The following PARP11 variants were observed in gnomAD, a reference collection of about 807,000 sequenced individuals.
PARP11 encodes poly(ADP-ribose) polymerase family member 11.
In PARP11, 31 loss-of-function variants were observed where a neutral mutation model predicts 42.9. That is an observed-to-expected ratio of 0.72 (90% CI 0.54 to 0.98). The LOEUF is 0.98. Among genes scored for constraint, PARP11 ranks in the 50% least tolerant of loss-of-function variants. The pLI is 0.00. For synonymous variants in PARP11, 137 were observed against 127.3 expected, an observed-to-expected ratio of 1.08 and a Z score of -0.51; for missense variants, 365 against 413.1, an observed-to-expected ratio of 0.88 and a Z score of 1.01.
intron 1 of PARP11, among the ~76,000 whole-genome samples, chr12:3,858,654 C>T (rs1948235865): frequency 6.6e-6 from 1 of 152,182 alleles, no homozygotes; most frequent in Non-Finnish European, 1.5e-5. Flanking sequence ...GGAGACAAAG[C>T]TTGCCACTGT....
chr12:3,864,208 A>T (rs1948351323), intron 1 of PARP11, among the ~76,000 whole-genome samples: 1 of 152,158 alleles, frequency 6.6e-6, no homozygotes, highest in Non-Finnish European at 1.5e-5. Context: ...ATAGTTTTTC[A>T]TTTTAGTTTG....
intron 4 of PARP11, among the ~76,000 whole-genome samples, chr12:3,825,763 G>A (rs190017445): frequency 6.6e-5 from 10 of 151,966 alleles, no homozygotes; most frequent in South Asian, 2.1e-4. Flanking sequence ...TCACTCTGTC[G>A]CCCAGGTTGG....
At position 3,808,982 on chromosome 12, in the gene PARP11, A is replaced by G. The variant is rs1029362354; in HGVS notation, c.*3141T>C. 6.6e-6 allele frequency: 1 copy of G among 152,020 alleles called. No individual in the cohort carries two copies. The highest frequency in any genetic ancestry group is 2.4e-5 in the African/African-American group (1 of 41,352). 9.4% of individuals were successfully genotyped at this position (152,020 alleles called of 1,614,324 possible). A position where few individuals can be genotyped will look rare whatever the true frequency, so the allele number is the denominator to read the frequency against. ...TCTAGAAATGAAATGACACACTAAT[A>G]TAAAACTTTCCTGTTTATAACTAAA... On this transcript the variant is annotated 3_prime_UTR_variant, in exon 8 of 8. Coordinates refer to ENST00000228820, the MANE Select transcript of PARP11 (RefSeq NM_020367.6).
intron 1 of PARP11, among the ~76,000 whole-genome samples, chr12:3,837,916 C>G (rs918653972): frequency 6.6e-6 from 1 of 151,552 alleles, no homozygotes; most frequent in African/African-American, 2.4e-5. Flanking sequence ...TTATAAATAT[C>G]TATGCACTCA....
chr12:3,820,226 G>A (rs1011189395), intron 6 of PARP11, among the ~76,000 whole-genome samples: 4 of 152,184 alleles, frequency 2.6e-5, no homozygotes, highest in Non-Finnish European at 4.4e-5. Flanking sequence ...AGAAGAAGTG[G>A]GGAAAGTAAG....
chr12:3,859,604 G>C (rs1948262494), intron 1 of PARP11, among the ~76,000 whole-genome samples: 1 of 149,692 alleles, frequency 6.7e-6, no homozygotes, highest in Non-Finnish European at 1.5e-5. Context: ...AATATAACAT[G>C]CAATTAAATA....
chr12:3,821,012 G>T (rs566892077), intron 6 of PARP11, among the ~76,000 whole-genome samples: 1 of 152,156 alleles, frequency 6.6e-6, no homozygotes, highest in East Asian at 1.9e-4. Context: ...TTATGGTCTG[G>T]GATTTGCTTA....
At chr12:3,827,527 A>G (rs1247031942) in intron 3 of PARP11, among the ~76,000 whole-genome samples, 2 of 152,108 alleles carry the variant, frequency 1.3e-5, no homozygotes, top group Non-Finnish European at 2.9e-5. Flanking sequence ...AAAAATGCCT[A>G]CCAGATACCT....
chr12:3,852,028 G>A (rs940762890), intron 1 of PARP11, among the ~76,000 whole-genome samples: 1 of 152,184 alleles, frequency 6.6e-6, no homozygotes, highest in Non-Finnish European at 1.5e-5. Context: ...TCCAACAGAC[G>A]TGCAGCAGAG....
intron 1 of PARP11, among the ~76,000 whole-genome samples, chr12:3,866,714 AC>A (rs1354588974): frequency 6.6e-6 from 1 of 152,198 alleles, no homozygotes; most frequent in Admixed American, 6.5e-5. Context: ...CAAAGAAGAA[AC>A]CAAGAGAAAA....
rs1465630351 is a variant in PARP11 at position 3,839,770 on chromosome 12, T to A, written c.19-9752A>T. Reference sequence around the variant, plus strand: ...TTATGATATTGTGTATCCCGTAAAGTATAAAGAAAGCTCTGCTATGTGTCA... The same window carrying A: ...TTATGATATTGTGTATCCCGTAAAGAATAAAGAAAGCTCTGCTATGTGTCA... On this transcript the variant is annotated intron_variant, in intron 1 of 7. Coordinates refer to ENST00000228820, the MANE Select transcript of PARP11 (RefSeq NM_020367.6). The A allele has an allele frequency of 1.2e-5, 14 of 1,133,232 alleles. 1 individual carries two copies. In the African/African-American group the frequency reaches 1.4e-4, roughly 11 times the overall value. 70.2% of individuals were successfully genotyped at this position (1,133,232 alleles called of 1,614,324 possible). A position where few individuals can be genotyped will look rare whatever the true frequency, so the allele number is the denominator to read the frequency against.
intron 4 of PARP11, among the ~76,000 whole-genome samples, chr12:3,823,197 T>C (rs984905656): frequency 1.2e-4 from 19 of 152,180 alleles, no homozygotes; most frequent in African/African-American, 4.3e-4. Flanking sequence ...ATCAAATAGG[T>C]GATTTAAAAA....
intron 1 of PARP11, among the ~76,000 whole-genome samples, chr12:3,856,229 C>G (rs140068882): frequency 1.3e-5 from 2 of 152,164 alleles, no homozygotes; most frequent in Non-Finnish European, 2.9e-5. Context: ...GACTTCATGA[C>G]TAAAACACCA....
At chr12:3,837,105 G>C (rs993407798) in intron 1 of PARP11, among the ~76,000 whole-genome samples, 1 of 152,164 alleles carries the variant, frequency 6.6e-6, no homozygotes, top group Non-Finnish European at 1.5e-5. Flanking sequence ...AATCAAAGGA[G>C]ACGACACCAA....
intron 3 of PARP11, among the ~76,000 whole-genome samples, chr12:3,828,320 G>A (rs751989001): frequency 2.6e-5 from 4 of 152,004 alleles, no homozygotes; most frequent in East Asian, 1.9e-4. Flanking sequence ...AGGTGGAGGC[G>A]GGTGGATCAG....
rs1948285687 is a variant in PARP11, at chr12:3,861,111, A to G, written c.18+12101T>C. Among the ~76,000 whole-genome samples, 1 of 152,230 alleles carries G rather than the reference A, an allele frequency of 6.6e-6. No homozygotes were observed. Among genetic ancestry groups the G allele is most frequent in the African/African-American group, 2.4e-5 (1 of 41,458 alleles). On this transcript the variant is annotated intron_variant, in intron 1 of 7. Coordinates refer to ENST00000228820, the MANE Select transcript of PARP11 (RefSeq NM_020367.6). This position sits in a 1 kb window ranked among gnomAD's most constrained non-coding sequence, Gnocchi z 4.6. ...ATATTTAGATGAGATGTTGGACTTT[A>G]AAGTTGATGCTGGTATCAGTTAAGA...
At chr12:3,839,632 C>T (rs1947846578) in intron 1 of PARP11, 1 of 1,020,000 alleles carries the variant, frequency 9.8e-7, no homozygotes, top group Non-Finnish European at 1.6e-6. Flanking sequence ...TGCCCTTTCT[C>T]TTATGTACAG....
At chr12:3,834,447 A>G (rs1317387272) in intron 1 of PARP11, among the ~76,000 whole-genome samples, 1 of 152,078 alleles carries the variant, frequency 6.6e-6, no homozygotes, top group East Asian at 1.9e-4. Context: ...AGCCTGGCCA[A>G]CATGGTGAAA....
At chr12:3,857,059 A>G (rs1020994390) in intron 1 of PARP11, among the ~76,000 whole-genome samples, 1 of 151,624 alleles carries the variant, frequency 6.6e-6, no homozygotes, top group Non-Finnish European at 1.5e-5. Flanking sequence ...GTTCTCACTC[A>G]TAAGTGGGAT....
Sources: gnomAD v4.1 joint callset for allele counts (sites outside exome capture counted in the v4.1 genomes callset) on GRCh38, gnomAD v4.1.1 for gene constraint, Gnocchi (gnomAD v3.1) non-coding constraint, MANE v1.5 for transcripts, NCBI Gene and HGNC (gene_info 2026-07-23, HGNC 2026-07-21) for gene names.